CNTNAP4: variants seen among roughly 807,000 people sequenced by gnomAD.
CNTNAP4 encodes the protein contactin-associated protein-like 4.
In CNTNAP4, 98 loss-of-function variants were observed where a neutral mutation model predicts 148.4. That is an observed-to-expected ratio of 0.66 (90% CI 0.56 to 0.78). The LOEUF (loss-of-function observed/expected upper bound fraction) is 0.78. CNTNAP4 is among the 30% of genes least tolerant of loss of function. The pLI, the probability that CNTNAP4 is intolerant of heterozygous loss-of-function variation, is 0.00. For missense variants in CNTNAP4, 1,935 were observed against 1,565.6 expected, an observed-to-expected ratio of 1.24 and a Z score of -3.98; for synonymous variants, 730 against 565.1, an observed-to-expected ratio of 1.29 and a Z score of -4.14.
intron 1 of CNTNAP4, among the ~76,000 whole-genome samples, chr16:76,301,598 T>C (rs1472261737): frequency 6.6e-6 from 1 of 152,174 alleles, no homozygotes; most frequent in Non-Finnish European, 1.5e-5. Flanking sequence ...AGAAATGTTA[T>C]CAGGACTTTG....
At chr16:76,544,584 A>G (rs757674773) in intron 21 of CNTNAP4, among the ~76,000 whole-genome samples, 11 of 152,210 alleles carry the variant, frequency 7.2e-5, no homozygotes, top group African/African-American at 1.2e-4. Flanking sequence ...TAAAGGTTTT[A>G]GTTAAACAGC....
intron 1 of CNTNAP4, among the ~76,000 whole-genome samples, chr16:76,304,346 C>T (rs756487415): frequency 5.9e-5 from 9 of 152,060 alleles, no homozygotes; most frequent in Non-Finnish European, 1.2e-4. Flanking sequence ...ATCTTCCAGT[C>T]ACTTAACATC....
At chr16:76,350,885 A>T (rs1419561564) in intron 2 of CNTNAP4, among the ~76,000 whole-genome samples, 2 of 152,204 alleles carry the variant, frequency 1.3e-5, no homozygotes, top group East Asian at 3.8e-4. Flanking sequence ...TGACACTATT[A>T]TGCCAAGTCT....
intron 9 of CNTNAP4, among the ~76,000 whole-genome samples, chr16:76,462,645 A>G (rs143570122): frequency 9.2e-5 from 14 of 152,342 alleles, no homozygotes; most frequent in South Asian, 4.1e-4. Context: ...TCTCCCTTAG[A>G]GAACAAAAGC....
intron 15 of CNTNAP4, among the ~76,000 whole-genome samples, chr16:76,513,230 C>CTTAG (rs1398179937): frequency 1.3e-5 from 2 of 152,092 alleles, no homozygotes; most frequent in Non-Finnish European, 2.9e-5. Flanking sequence ...GTGGTGGGTG[C>CTTAG]TTAGAGGAGG....
chr16:76,288,950 T>A (rs1488549279), intron 1 of CNTNAP4, among the ~76,000 whole-genome samples: 1 of 152,214 alleles, frequency 6.6e-6, no homozygotes, highest in Non-Finnish European at 1.5e-5. Flanking sequence ...CTATTCCATT[T>A]CATTTCATTA....
chr16:76,538,440 G>A, intron 19 of CNTNAP4, 100 bp downstream of exon 19: 1 of 852,790 alleles, frequency 1.2e-6, no homozygotes. Flanking sequence ...GCTACAAACA[G>A]AAAAATGGAG....
chr16:76,484,651 C>T lies in CNTNAP4; in HGVS notation c.1883-5035C>T, dbSNP rs572348390. Among the ~76,000 whole-genome samples, 33 of 152,094 alleles carry T rather than the reference C, an allele frequency of 2.2e-4. 1 individual carries two copies. The highest frequency in any genetic ancestry group is 4.1e-4 in the Non-Finnish European group (28 of 67,982). On this transcript the variant is annotated intron_variant, in intron 12 of 23. Transcript: ENST00000611870. The stretch of plus-strand genomic sequence containing the variant: ...GATCTGGTTTTGCAAATAAGGAAAC[C>T]AAGGCTCAGGGAGGTTAAGTGTAGC...
chr16:76,460,773 A>ATATATATAT (rs1555564517), intron 8 of CNTNAP4, among the ~76,000 whole-genome samples: 3 of 57,326 alleles, frequency 5.2e-5, no homozygotes, highest in African/African-American at 1.3e-4. Context: ...AAAAAAAAAA[A>ATATATATAT]ATATATATAT....
intron 2 of CNTNAP4, among the ~76,000 whole-genome samples, chr16:76,320,114 G>T (rs181786569): frequency 6.6e-6 from 1 of 152,290 alleles, no homozygotes; most frequent in East Asian, 1.9e-4. Flanking sequence ...AAGGTTTAAA[G>T]TGTATCTGGC....
intron 1 of CNTNAP4, among the ~76,000 whole-genome samples, chr16:76,301,561 A>G (rs887223353): frequency 6.6e-6 from 1 of 152,202 alleles, no homozygotes; most frequent in African/African-American, 2.4e-5. Flanking sequence ...GAAGTACATG[A>G]GTTACCAGTA....
chr16:76,510,478 T>G (rs79317318), intron 15 of CNTNAP4, among the ~76,000 whole-genome samples: 9,054 of 151,918 alleles, frequency 0.06, 907 homozygotes, highest in African/African-American at 0.2. Flanking sequence ...GCTTTTTTTT[T>G]TGTGGACAAA....
chr16:76,488,591 G>C (rs975316053), intron 12 of CNTNAP4, among the ~76,000 whole-genome samples: 21 of 152,190 alleles, frequency 1.4e-4, no homozygotes, highest in Non-Finnish European at 2.2e-4. Flanking sequence ...GGAAAGTTTT[G>C]CCTACTATTA....
intron 15 of CNTNAP4, among the ~76,000 whole-genome samples, chr16:76,500,616 TTGTGTG>T (rs5818001): frequency 0.17 from 24,400 of 147,800 alleles, 2,553 homozygotes; most frequent in Admixed American, 0.3. Context: ...TTTTTCCAGT[TTGTGTG>T]TGTGTGTGTG....
At chr16:76,316,588 A>C (rs943292798) in intron 2 of CNTNAP4, 65 bp downstream of exon 2, 8 of 1,036,228 alleles carry the variant, frequency 7.7e-6, no homozygotes, top group Admixed American at 5.5e-5. Flanking sequence ...TTATCTTTGC[A>C]TACAGTCATT....
intron 21 of CNTNAP4, among the ~76,000 whole-genome samples, chr16:76,545,546 G>C (rs2084679313): frequency 6.6e-6 from 1 of 151,630 alleles, no homozygotes; most frequent in Non-Finnish European, 1.5e-5. Flanking sequence ...CTTTTTATTT[G>C]GCAGCCAAGC....
intron 1 of CNTNAP4, among the ~76,000 whole-genome samples, chr16:76,300,229 A>G (rs1325253947): frequency 6.6e-6 from 1 of 152,194 alleles, no homozygotes; most frequent in Non-Finnish European, 1.5e-5. Context: ...TATCACTTTT[A>G]AAGAGAACAC....
At chr16:76,410,388 G>T (rs960662617) in intron 3 of CNTNAP4, among the ~76,000 whole-genome samples, 1 of 151,708 alleles carries the variant, frequency 6.6e-6, no homozygotes, top group African/African-American at 2.4e-5. Flanking sequence ...AAGCCTTCAA[G>T]CTTTCTCTGT....
chr16:76,467,276 T>C lies in CNTNAP4; in HGVS notation c.1484-76T>C, dbSNP rs2081205660. ...ATAATCATATGCCTCTTTCTTTTAT[T>C]TTTTAAATGAAGTTATCTATGATCC... On this transcript the variant is annotated intron_variant, in intron 9 of 23. Coordinates refer to ENST00000611870, the MANE Select transcript of CNTNAP4 (RefSeq NM_033401.5). 3.0e-6 allele frequency: 4 copies of C among 1,315,106 alleles called. No individual in the cohort carries two copies. The Admixed American group carries it at 6.3e-5, about 21-fold the overall frequency. 81.5% of individuals were successfully genotyped at this position (1,315,106 alleles called of 1,614,324 possible). A position where few individuals can be genotyped will look rare whatever the true frequency, so the allele number is the denominator to read the frequency against.
Sources: gnomAD v4.1 joint callset for allele counts (sites outside exome capture counted in the v4.1 genomes callset) on GRCh38, gnomAD v4.1.1 for gene constraint, MANE v1.5 for transcripts, NCBI Gene and HGNC (gene_info 2026-07-23, HGNC 2026-07-21) for gene names.